The following GPR82 variants were observed in gnomAD, a reference collection of about 807,000 sequenced individuals.
GPR82 encodes the protein G protein-coupled receptor 82, also known as probable G protein-coupled receptor 82.
In GPR82, 6 loss-of-function variants were observed where a neutral mutation model predicts 12.9. The observed-to-expected ratio is 0.46, with a 90% CI of 0.25 to 0.92. The LOEUF (loss-of-function observed/expected upper bound fraction) is 0.92. Ranked by LOEUF, GPR82 falls within the 40% of genes least tolerant of loss-of-function variation. GPR82 has a pLI of 0.16. For missense variants in GPR82, 241 were observed against 245.5 expected, an observed-to-expected ratio of 0.98 and a Z score of 0.12; for synonymous variants, 90 against 87.6, an observed-to-expected ratio of 1.03 and a Z score of -0.15.
rs752094184 is a variant in GPR82, at chrX:41,727,724, C to A, written c.698C>A (p.Thr233Asn). The A allele has an allele frequency of 1.7e-6, 2 of 1,204,338 alleles. No homozygotes were observed. The highest frequency in any genetic ancestry group is 2.2e-5 in the Admixed American group (1 of 45,933). ...GTAAGCCATCTGAGAAAAATAAGAA[C>A]CTGTACGTCCATTATGGAGAAAGAT... ...SFVSHLRKIR[T>N]CTSIMEKDLT... The change falls in exon 3 of 3, where the codon ACC becomes AAC. Residue 233 changes from threonine (T) to asparagine (N), a missense_variant. Coordinates refer to ENST00000302548, the MANE Select transcript of GPR82 (RefSeq NM_080817.5).
Position 41,727,913 on chromosome X carries a change from G to C in GPR82, c.887G>C (p.Cys296Ser). Residue 296 changes from cysteine (C) to serine (S), a missense_variant, in exon 3 of 3, where the codon TGT becomes TCT. Cys to Ser is a moderately radical substitution (Grantham distance 112). Coordinates refer to ENST00000302548, the MANE Select transcript of GPR82 (RefSeq NM_080817.5). ...ATAGAAACAAAAAACATTCTCACCT[G>C]TCTTGCTTCGGCCAGAAGTAGCACA... is the stretch of plus-strand genomic sequence containing the variant. ...YLIETKNILTCLASARSSTDP... is the reference protein window; with the variant it reads ...YLIETKNILTSLASARSSTDP... 8.3e-7 allele frequency: 1 copy of C among 1,201,202 alleles called. No homozygotes were observed. The highest frequency in any genetic ancestry group is 3.0e-5 in the East Asian group (1 of 33,810).
chrX:41,727,795 C>G lies in GPR82; in HGVS notation c.769C>G (p.Leu257Val). 8.3e-7 allele frequency: 1 copy of G among 1,202,490 alleles called. No homozygotes were observed. Among genetic ancestry groups the G allele is most frequent in the Non-Finnish European group, 1.1e-6 (1 of 887,659 alleles). The change falls in exon 3 of 3, where the codon CTA (leucine) becomes GTA (valine). Residue 257 changes from leucine (L) to valine (V), a missense_variant. Coordinates refer to ENST00000302548, the MANE Select transcript of GPR82 (RefSeq NM_080817.5). ...VKRHLLVIQI[L>V]LIVCFLPYSI... ...AAGACATCTTTTGGTCATCCAGATT[C>G]TACTAATAGTTTGCTTCCTTCCTTA... is the stretch of plus-strand genomic sequence containing the variant.
In GPR82 at chrX:41,727,090, T is replaced by C. The variant is rs2068274115; in HGVS notation, c.64T>C (p.Tyr22His). Residue 22 changes from tyrosine (Y) to histidine (H), a missense_variant, in exon 3 of 3, where the codon TAC becomes CAC. Coordinates refer to ENST00000302548, the MANE Select transcript of GPR82 (RefSeq NM_080817.5). ...MISSMALPII[Y>H]ILLCIVGVFG... ...CTCTTCCATGGCTTTACCAATCATTTACATCCTCCTTTGTATTGTTGGTGT... is the reference window on the plus strand; with the variant it reads ...CTCTTCCATGGCTTTACCAATCATTCACATCCTCCTTTGTATTGTTGGTGT... 2 of 1,166,632 alleles carry C rather than the reference T, an allele frequency of 1.7e-6. No individual in the cohort carries two copies. The highest frequency in any genetic ancestry group is 1.8e-5 in the African/African-American group (1 of 57,067).
Position 41,729,789 on chromosome X carries a change from T to C in GPR82, c.*1752T>C, listed in dbSNP as rs1384064626. The stretch of plus-strand genomic sequence containing the variant: ...AAAAAAAAAAAAAAAAAAATATATA[T>C]ATATATATATATATATATGTATGTA... On this transcript the variant is annotated 3_prime_UTR_variant, in exon 3 of 3. Transcript: ENST00000302548. The C allele has an allele frequency of 1.2e-5, 1 of 84,309 alleles. No individual in the cohort carries two copies. Among genetic ancestry groups the C allele is most frequent in the Non-Finnish European group, 2.4e-5 (1 of 41,796 alleles). The allele number at this position is 84,309 out of a possible 1,213,427, so 6.9% of individuals were successfully genotyped here.
rs2068317371 is a variant in GPR82, at chrX:41,728,936, T to C, written c.*899T>C. 8.0e-6 allele frequency: 1 copy of C among 124,975 alleles called. No individual in the cohort carries two copies. The allele number at this position is 124,975 out of a possible 1,213,427, so 10.3% of individuals were successfully genotyped here. A position where few individuals can be genotyped will look rare whatever the true frequency, so the allele number is the denominator to read the frequency against. ...TTGACTATATTTTTAAAGCAGATGATACTTATAAAAATGCTTAAATATTTG... is the reference window on the plus strand; with the variant it reads ...TTGACTATATTTTTAAAGCAGATGACACTTATAAAAATGCTTAAATATTTG... On this transcript the variant is annotated 3_prime_UTR_variant, in exon 3 of 3. Coordinates refer to ENST00000302548, the MANE Select transcript of GPR82 (RefSeq NM_080817.5).
At position 41,728,280 on chromosome X, in the gene GPR82, AAACT is replaced by A. The variant is rs1192816045; in HGVS notation, c.*247_*250del. ...ATATTGAAAGGATCCCACTCATATG[AAACT>A]AACAGGCTGTTTTCTGTTTAAACTC... On this transcript the variant is annotated 3_prime_UTR_variant, in exon 3 of 3. Transcript: ENST00000302548. 1 of 256,998 alleles carries A rather than the reference AAACT, an allele frequency of 3.9e-6. No individual in the cohort carries two copies. The highest frequency in any genetic ancestry group is 7.1e-6 in the Non-Finnish European group (1 of 140,577). 21.2% of individuals were successfully genotyped at this position (256,998 alleles called of 1,213,427 possible). A position where few individuals can be genotyped will look rare whatever the true frequency, so the allele number is the denominator to read the frequency against.
chrX:41,726,090 G>C (rs2068255190), intron 1 of GPR82, among the ~76,000 whole-genome samples: 1 of 111,916 alleles, frequency 8.9e-6, no homozygotes, highest in African/African-American at 3.2e-5. Flanking sequence ...TGGGATAACA[G>C]GCATGAGCCA....
At position 41,727,511 on chromosome X, in the gene GPR82, T is replaced by C. The variant is rs1265920321; in HGVS notation, c.485T>C (p.Val162Ala). 4 of 1,210,051 alleles carry C rather than the reference T, an allele frequency of 3.3e-6. No individual in the cohort carries two copies. Among genetic ancestry groups the C allele is most frequent in the Middle Eastern group, 2.3e-4 (1 of 4,352 alleles). ...ARKLCIYIWG[V>A]VLGIIIPVTV... is the part of the protein sequence containing the mutation. ...AAACTATGCATTTACATATGGGGAG[T>C]TGTACTGGGCATAATCATTCCAGTT... is the stretch of plus-strand genomic sequence containing the variant. Residue 162 changes from valine to alanine, a missense_variant, in exon 3 of 3, where the codon GTT becomes GCT. By Grantham distance (64) the Val-to-Ala change is moderately conservative. Transcript: ENST00000302548.
At chrX:41,724,406 T>C (rs1448956530) in intron 1 of GPR82, 117 bp downstream of exon 1, 1 of 112,700 alleles carries the variant, frequency 8.9e-6, no homozygotes, top group Non-Finnish European at 1.9e-5. Context: ...GCATATTAAC[T>C]ATGTAGACAG....
In GPR82 at chrX:41,729,251, T is replaced by C. The variant is rs2147686722; in HGVS notation, c.*1214T>C. The C allele has an allele frequency of 8.1e-6, 1 of 123,358 alleles. No homozygotes were observed. Among genetic ancestry groups the C allele is most frequent in the South Asian group, 3.7e-4 (1 of 2,694 alleles). 10.2% of individuals were successfully genotyped at this position (123,358 alleles called of 1,213,427 possible). A position where few individuals can be genotyped will look rare whatever the true frequency, so the allele number is the denominator to read the frequency against. On this transcript the variant is annotated 3_prime_UTR_variant, in exon 3 of 3. Coordinates refer to ENST00000302548, the MANE Select transcript of GPR82 (RefSeq NM_080817.5). Reference sequence around the variant, plus strand: ...CCTCTGTACGTGTTAATTTCTTCATTTGTAGAGCAGAAAATACTATCTTAT... The same window carrying C: ...CCTCTGTACGTGTTAATTTCTTCATCTGTAGAGCAGAAAATACTATCTTAT...
In GPR82 at chrX:41,725,774, TA is replaced by T. The variant is rs1049941649; in HGVS notation, c.-105-991del. Among the ~76,000 whole-genome samples the T allele has an allele frequency of 8.0e-5, 9 of 112,091 alleles. No individual in the cohort carries two copies. In the East Asian group the frequency reaches 1.1e-3, roughly 14 times the overall value. On this transcript the variant is annotated intron_variant, in intron 1 of 2. Transcript: ENST00000302548. ...GTTGTGATTAAAACATCATATCCTT[TA>T]AAAAAAATCCTCTGAAAAACTCAGA...
Position 41,727,163 on chromosome X carries a change from A to G in GPR82, c.137A>G (p.Lys46Arg), listed in dbSNP as rs746708524. 8.3e-6 allele frequency: 10 copies of G among 1,205,448 alleles called. No homozygotes were observed. In the African/African-American group the frequency reaches 1.8e-4, roughly 21 times the overall value. Residue 46 changes from lysine (K) to arginine (R), a missense_variant, in exon 3 of 3, where the codon AAA (lysine) becomes AGA (arginine). By Grantham distance (26) the Lys-to-Arg change is conservative. Transcript: ENST00000302548. ...SQWIFLTKIG[K>R]KTSTHIYLSH... is the part of the protein sequence containing the mutation. ...TGGATATTTTTAACAAAAATAGGTA[A>G]AAAAACATCAACGCACATCTACCTG...
At position 41,728,242 on chromosome X, in the gene GPR82, G is replaced by T; in HGVS notation, c.*205G>T. 2 of 304,706 alleles carry T rather than the reference G, an allele frequency of 6.6e-6. No homozygotes were observed. Among genetic ancestry groups the T allele is most frequent in the Non-Finnish European group, 5.9e-6 (1 of 169,686 alleles). 25.1% of individuals were successfully genotyped at this position (304,706 alleles called of 1,213,427 possible). On this transcript the variant is annotated 3_prime_UTR_variant, in exon 3 of 3. Transcript: ENST00000302548. ...GTTGAGATGGCAGAAACTTTCAGAA[G>T]CAAAAATTAAGCATATTGAAAGGAT...
Position 41,727,882 on chromosome X carries a change from T to G in GPR82, c.856T>G (p.Tyr286Asp). The G allele has an allele frequency of 8.3e-7, 1 of 1,204,414 alleles. No homozygotes were observed. The highest frequency in any genetic ancestry group is 1.1e-6 in the Non-Finnish European group (1 of 889,144). ...HQRDNCQQLN[Y>D]LIETKNILTC... ...AAGAGATAACTGTCAGCAATTGAAT[T>G]ATTTAATAGAAACAAAAAACATTCT... Residue 286 changes from tyrosine (Y) to aspartate (D), a missense_variant, in exon 3 of 3, where the codon TAT becomes GAT. Tyr to Asp is a radical substitution (Grantham distance 160). Transcript: ENST00000302548.
In GPR82 at chrX:41,728,905, T is replaced by C. The variant is rs1331489492; in HGVS notation, c.*868T>C. 1 of 123,396 alleles carries C rather than the reference T, an allele frequency of 8.1e-6. No individual in the cohort carries two copies. Among genetic ancestry groups the C allele is most frequent in the East Asian group, 2.8e-4 (1 of 3,609 alleles). 10.2% of individuals were successfully genotyped at this position (123,396 alleles called of 1,213,427 possible). A position where few individuals can be genotyped will look rare whatever the true frequency, so the allele number is the denominator to read the frequency against. On this transcript the variant is annotated 3_prime_UTR_variant, in exon 3 of 3. Coordinates refer to ENST00000302548, the MANE Select transcript of GPR82 (RefSeq NM_080817.5). ...GGCTCATGTTATTGGGGAGAAGCAA[T>C]ATTCATTGACTATATTTTTAAAGCA...
chrX:41,727,464 T>G lies in GPR82; in HGVS notation c.438T>G (p.Phe146Leu). The G allele has an allele frequency of 8.3e-7, 1 of 1,208,337 alleles. No homozygotes were observed. Among genetic ancestry groups the G allele is most frequent in the Non-Finnish European group, 1.1e-6 (1 of 892,231 alleles). Reference sequence around the variant, plus strand: ...TTTATGGCCATTTACTGAAAAAATTTCGCCAGCCCAACTTTGCTAGAAAAC... The same window carrying G: ...TTTATGGCCATTTACTGAAAAAATTGCGCCAGCCCAACTTTGCTAGAAAAC... Reference protein sequence around the residue: ...KIFYGHLLKKFRQPNFARKLC... With the variant: ...KIFYGHLLKKLRQPNFARKLC... The change falls in exon 3 of 3, where the codon TTT (phenylalanine) becomes TTG (leucine). Residue 146 changes from phenylalanine to leucine, a missense_variant. Physicochemically the swap from Phe to Leu is conservative, Grantham distance 22. Coordinates refer to ENST00000302548, the MANE Select transcript of GPR82 (RefSeq NM_080817.5).
intron 1 of GPR82, among the ~76,000 whole-genome samples, chrX:41,725,194 T>C (rs1266479431): frequency 8.9e-6 from 1 of 111,941 alleles, no homozygotes; most frequent in Non-Finnish European, 1.9e-5. Flanking sequence ...ATTAAGAATC[T>C]TGTTATTTAA....
Position 41,729,446 on chromosome X carries a change from CGGT to C in GPR82, c.*1412_*1414del, listed in dbSNP as rs1465939497. The C allele has an allele frequency of 8.2e-6, 1 of 121,227 alleles. No individual in the cohort carries two copies. Among genetic ancestry groups the C allele is most frequent in the East Asian group, 2.8e-4 (1 of 3,510 alleles). 10.0% of individuals were successfully genotyped at this position (121,227 alleles called of 1,213,427 possible). A position where few individuals can be genotyped will look rare whatever the true frequency, so the allele number is the denominator to read the frequency against. On this transcript the variant is annotated 3_prime_UTR_variant, in exon 3 of 3. Transcript: ENST00000302548. ...TGAAAATATTGAAGTGGGCTGGGTGCGGTGGCTCATGCCTGTAATCCCAGCACT... is the reference window on the plus strand; with the variant it reads ...TGAAAATATTGAAGTGGGCTGGGTGCGGCTCATGCCTGTAATCCCAGCACT...
intron 1 of GPR82, among the ~76,000 whole-genome samples, chrX:41,724,828 A>G (rs2068229283): frequency 8.9e-6 from 1 of 111,959 alleles, no homozygotes. Flanking sequence ...CAGAAGCACC[A>G]TTACCTTTGC....
Sources: gnomAD v4.1 joint callset for allele counts (sites outside exome capture counted in the v4.1 genomes callset) on GRCh38, gnomAD v4.1.1 for gene constraint, MANE v1.5 for transcripts, NCBI Gene and HGNC (gene_info 2026-07-23, HGNC 2026-07-21) for gene names.